Variants in NSMF observed in about 807,000 individuals in gnomAD.
NSMF encodes the protein nasal embryonic LHRH factor.
In NSMF, 31 loss-of-function variants were observed where a neutral mutation model predicts 71.0. The ratio of observed to expected loss-of-function variants is 0.44; its 90% CI spans 0.33 to 0.59. The LOEUF is 0.59. NSMF is among the 20% of genes least tolerant of loss of function. The pLI is 0.04. For missense variants in NSMF, 673 were observed against 740.5 expected (o/e 0.91, Z 1.06); for synonymous variants, 345 against 287.1 (o/e 1.20, Z -2.04).
At position 137,453,524 on chromosome 9, in the gene NSMF, G is replaced by T. The variant is rs554267716; in HGVS notation, c.922+207C>A. 3.7e-4 allele frequency: 226 copies of T among 605,556 alleles called. No individual in the cohort carries two copies. Among genetic ancestry groups the T allele is most frequent in the South Asian group, 3.0e-3 (151 of 49,968 alleles). 37.5% of individuals were successfully genotyped at this position (605,556 alleles called of 1,614,324 possible). A position where few individuals can be genotyped will look rare whatever the true frequency, so the allele number is the denominator to read the frequency against. ...AGTGGCGGTGGGCACGGCCCTACAG[G>T]CGCCCCCGGCCAGCACTGCCGCGGC... On this transcript the variant is annotated intron_variant, in intron 8 of 15. Coordinates refer to ENST00000371475, the MANE Select transcript of NSMF (RefSeq NM_001130969.3). The surrounding 1 kb of genome is among the most constrained non-coding windows in gnomAD (Gnocchi z 4.5).
At chr9:137,455,158 T>A (rs2131998600) in intron 6 of NSMF, 81 bp downstream of exon 6, 1 of 1,458,936 alleles carries the variant, frequency 6.9e-7, no homozygotes, top group East Asian at 2.3e-5. Flanking sequence ...CCCCATCAGG[T>A]CTGCCAGGGC....
rs945092099 is a variant in NSMF, at chr9:137,456,333, C to T, written c.704+78G>A. On this transcript the variant is annotated intron_variant, in intron 4 of 15. Transcript: ENST00000371475. ...GCAGCCCCCCTGGTAGGCCCAGAGA[C>T]TGGGAAAAAGTGCTGTTTCCTGAGC... 3 of 1,201,244 alleles carry T rather than the reference C, an allele frequency of 2.5e-6. No individual in the cohort carries two copies. The African/African-American group carries it at 4.5e-5, about 18-fold the overall frequency. 74.4% of individuals were successfully genotyped at this position (1,201,244 alleles called of 1,614,324 possible). A position where few individuals can be genotyped will look rare whatever the true frequency, so the allele number is the denominator to read the frequency against.
In NSMF at chr9:137,453,868, G is replaced by A. The variant is rs1300079379; in HGVS notation, c.833-48C>T. 10 of 1,491,078 alleles carry A rather than the reference G, an allele frequency of 6.7e-6. No homozygotes were observed. Among genetic ancestry groups the A allele is most frequent in the Non-Finnish European group, 9.0e-6 (10 of 1,105,086 alleles). 92.4% of individuals were successfully genotyped at this position (1,491,078 alleles called of 1,614,324 possible). On this transcript the variant is annotated intron_variant, in intron 7 of 15. Transcript: ENST00000371475. The surrounding 1 kb of genome is among the most constrained non-coding windows in gnomAD (Gnocchi z 4.5). ...TAGCGAGCGGGTGGGGCGGGGCCTC[G>A]GGAGTCTCAGACCCCAGGCGAGGGG...
In NSMF at chr9:137,448,225, C is replaced by T. The variant is rs772813038; in HGVS notation, c.*1169G>A. 264 of 152,668 alleles carry T rather than the reference C, an allele frequency of 1.7e-3. 2 individuals carry two copies. Among genetic ancestry groups the T allele is most frequent in the Middle Eastern group, 6.7e-3 (2 of 298 alleles). The allele number at this position is 152,668 out of a possible 1,614,324, so 9.5% of individuals were successfully genotyped here. A position where few individuals can be genotyped will look rare whatever the true frequency, so the allele number is the denominator to read the frequency against. ...TGAGAGGACAGACCCACGCGGCGGC[C>T]GCGGTGGAGGATCAGGTTTAATGGT... On this transcript the variant is annotated 3_prime_UTR_variant, in exon 16 of 16. Transcript: ENST00000371475. This position sits in a 1 kb window ranked among gnomAD's most constrained non-coding sequence, Gnocchi z 5.3.
chr9:137,449,589 G>A lies in NSMF; in HGVS notation c.1495+10C>T. ...GGCTGCAGAGCTTCGGCCCAGCCTGGGTAACTCACCTTGGGCTGAGAGCTC... is the reference window on the plus strand; with the variant it reads ...GGCTGCAGAGCTTCGGCCCAGCCTGAGTAACTCACCTTGGGCTGAGAGCTC... On this transcript the variant is annotated intron_variant, in intron 15 of 15. Transcript: ENST00000371475. 1 of 1,612,098 alleles carries A rather than the reference G, an allele frequency of 6.2e-7. No individual in the cohort carries two copies. The highest frequency in any genetic ancestry group is 8.5e-7 in the Non-Finnish European group (1 of 1,179,546).
rs1212654681 is a variant in NSMF at position 137,453,531 on chromosome 9, C to T, written c.922+200G>A. On this transcript the variant is annotated intron_variant, in intron 8 of 15. Transcript: ENST00000371475. The surrounding 1 kb of genome is among the most constrained non-coding windows in gnomAD (Gnocchi z 4.5). The stretch of plus-strand genomic sequence containing the variant: ...GTGGGCACGGCCCTACAGGCGCCCC[C>T]GGCCAGCACTGCCGCGGCCGTTGTT... The T allele has an allele frequency of 2.0e-5, 12 of 608,724 alleles. No homozygotes were observed. The highest frequency in any genetic ancestry group is 8.4e-5 in the East Asian group (3 of 35,768). The allele number at this position is 608,724 out of a possible 1,614,324, so 37.7% of individuals were successfully genotyped here.
chr9:137,453,224 C>T lies in NSMF; in HGVS notation c.923-44G>A. Reference sequence around the variant, plus strand: ...ACCAGGACAGCAGGCCCGGCAGCACCTCCTATCCTGGCCATGGCCCCAAGG... The same window carrying T: ...ACCAGGACAGCAGGCCCGGCAGCACTTCCTATCCTGGCCATGGCCCCAAGG... On this transcript the variant is annotated intron_variant, in intron 8 of 15. Coordinates refer to ENST00000371475, the MANE Select transcript of NSMF (RefSeq NM_001130969.3). This position sits in a 1 kb window ranked among gnomAD's most constrained non-coding sequence, Gnocchi z 4.5. 1 of 1,609,594 alleles carries T rather than the reference C, an allele frequency of 6.2e-7. No individual in the cohort carries two copies. Among genetic ancestry groups the T allele is most frequent in the Non-Finnish European group, 8.5e-7 (1 of 1,179,524 alleles).
chr9:137,450,640 T>C (rs1394513624), intron 12 of NSMF, among the ~76,000 whole-genome samples: 4 of 7,958 alleles, frequency 5.0e-4, no homozygotes, highest in African/African-American at 7.8e-4. Context: ...GCCTCTTCCC[T>C]TTGATCTCCC....
rs929680586 is a variant in NSMF, at chr9:137,452,718, G to T, written c.1131+18C>A. The stretch of plus-strand genomic sequence containing the variant: ...GCAAGAGGGCATCTGTTGGGGGCAG[G>T]CCCGGGGCGGGACTCACGTAGAGGA... On this transcript the variant is annotated intron_variant, in intron 10 of 15. Transcript: ENST00000371475. The T allele has an allele frequency of 1.9e-6, 3 of 1,603,390 alleles. No homozygotes were observed. Among genetic ancestry groups the T allele is most frequent in the Non-Finnish European group, 2.6e-6 (3 of 1,175,618 alleles).
intron 6 of NSMF, 66 bp from the exon 7 acceptor site, chr9:137,454,509 C>T: frequency 6.5e-7 from 1 of 1,549,364 alleles, no homozygotes; most frequent in Non-Finnish European, 8.7e-7. Context: ...GCCCACCTAG[C>T]CCCCGTCGGG....
intron 12 of NSMF, 37 bp from the exon 13 acceptor site, chr9:137,450,292 C>T (rs371083636): frequency 1.7e-5 from 27 of 1,554,282 alleles, no homozygotes; most frequent in South Asian, 1.6e-4. Flanking sequence ...GCTCCTCCTT[C>T]CTCCCCCTCT....
chr9:137,455,348 G>GC, intron 5 of NSMF, 41 bp from the exon 6 acceptor site: 1 of 1,604,030 alleles, frequency 6.2e-7, no homozygotes, highest in Middle Eastern at 1.7e-4. Context: ...TTGGCCGGAG[G>GC]CAGGAGGGAC....
In NSMF at chr9:137,449,362, C is replaced by A. The variant is rs749984764; in HGVS notation, c.*32G>T. ...CCAGGTCCCGGTGCAGAGGGAGTGG[C>A]CTGATGGTGACTGGGCGGAGGCCTC... On this transcript the variant is annotated 3_prime_UTR_variant, in exon 16 of 16. Transcript: ENST00000371475. The A allele has an allele frequency of 1.2e-4, 184 of 1,578,382 alleles. No individual in the cohort carries two copies. The highest frequency in any genetic ancestry group is 1.5e-4 in the Non-Finnish European group (177 of 1,149,736).
rs776025815 is a variant in NSMF at position 137,458,539 on chromosome 9, C to T, written c.82G>A (p.Ala28Thr). Residue 28 changes from alanine to threonine, a missense_variant, in exon 2 of 16, where the codon GCG becomes ACG. Ala to Thr is a moderately conservative substitution (Grantham distance 58). Coordinates refer to ENST00000371475, the MANE Select transcript of NSMF (RefSeq NM_001130969.3). ...SVAAKVRAAR[A>T]FGEYLSQSHP... Reference sequence around the variant, plus strand: ...CTCTGGGACAGGTACTCTCCAAACGCTCGGGCTGCTCTGAGGGTGGACAGA... The same window carrying T: ...CTCTGGGACAGGTACTCTCCAAACGTTCGGGCTGCTCTGAGGGTGGACAGA... 2 of 1,597,376 alleles carry T rather than the reference C, an allele frequency of 1.3e-6. No homozygotes were observed. Among genetic ancestry groups the T allele is most frequent in the Admixed American group, 1.7e-5 (1 of 58,430 alleles).
Position 137,453,659 on chromosome 9 carries a change from G to A in NSMF, c.922+72C>T, listed in dbSNP as rs1445968713. ...AGCGCAGCCCAGCGGCCCTGGCAGGGGACCCCCAGCAGGGGTCTGGGGTCT... is the reference window on the plus strand; with the variant it reads ...AGCGCAGCCCAGCGGCCCTGGCAGGAGACCCCCAGCAGGGGTCTGGGGTCT... On this transcript the variant is annotated intron_variant, in intron 8 of 15. Transcript: ENST00000371475. This position sits in a 1 kb window ranked among gnomAD's most constrained non-coding sequence, Gnocchi z 4.5. The A allele has an allele frequency of 8.1e-7, 1 of 1,233,866 alleles. No homozygotes were observed. Among genetic ancestry groups the A allele is most frequent in the South Asian group, 1.4e-5 (1 of 73,906 alleles). The allele number at this position is 1,233,866 out of a possible 1,614,324, so 76.4% of individuals were successfully genotyped here.
chr9:137,457,921 A>AGCCT lies in NSMF; in HGVS notation c.134-24_134-21dup. The AGCCT allele has an allele frequency of 6.5e-7, 1 of 1,538,582 alleles. No homozygotes were observed. Among genetic ancestry groups the AGCCT allele is most frequent in the Non-Finnish European group, 8.7e-7 (1 of 1,147,670 alleles). The stretch of plus-strand genomic sequence containing the variant: ...GGTGATCTAGGAGAGACACTGAGTG[A>AGCCT]GCCTGCCTGCCGCGTGTGGGCCCCC... On this transcript the variant is annotated intron_variant, in intron 2 of 15. Coordinates refer to ENST00000371475, the MANE Select transcript of NSMF (RefSeq NM_001130969.3).
In NSMF at chr9:137,456,456, T is replaced by C; in HGVS notation, c.659A>G (p.Lys220Arg). Reference sequence around the variant, plus strand: ...TGTCTGGAAGCTGAAAAGATTTTCCTTGGGGAACCAGGTACGAATAGGGAT... The same window carrying C: ...TGTCTGGAAGCTGAAAAGATTTTCCCTGGGGAACCAGGTACGAATAGGGAT... Reference protein sequence around the residue: ...DDIPIRTWFPKENLFSFQTAT... With the variant: ...DDIPIRTWFPRENLFSFQTAT... Residue 220 changes from lysine (K) to arginine (R), a missense_variant, in exon 4 of 16, where the codon AAG (lysine) becomes AGG (arginine). Coordinates refer to ENST00000371475, the MANE Select transcript of NSMF (RefSeq NM_001130969.3). 6.2e-7 allele frequency: 1 copy of C among 1,613,348 alleles called. No homozygotes were observed. The highest frequency in any genetic ancestry group is 8.5e-7 in the Non-Finnish European group (1 of 1,179,780).
chr9:137,452,611 G>A (rs769719895), intron 10 of NSMF, 25 bp from the exon 11 acceptor site: 8 of 1,612,158 alleles, frequency 5.0e-6, no homozygotes, highest in Middle Eastern at 1.6e-4. Flanking sequence ...AGGCCACAAG[G>A]CCACATCAAG....
intron 1 of NSMF, 21 bp from the exon 2 acceptor site, chr9:137,458,570 C>T: frequency 3.2e-6 from 5 of 1,580,128 alleles, no homozygotes; most frequent in Non-Finnish European, 3.4e-6. Context: ...ACAGAGGGCA[C>T]GGTCAGAGGC....
Sources: allele counts gnomAD v4.1 joint callset (sites outside exome capture counted in the v4.1 genomes callset), GRCh38; gene constraint gnomAD v4.1.1; non-coding constraint Gnocchi (gnomAD v3.1); transcripts MANE v1.5; gene names NCBI Gene and HGNC (gene_info 2026-07-23, HGNC 2026-07-21).